AUTS2: variants seen among roughly 807,000 people sequenced by gnomAD.
AUTS2 encodes the protein activator of transcription and developmental regulator AUTS2.
AUTS2 carries 17 observed loss-of-function variants against 112.4 expected under a neutral mutation model. The ratio of observed to expected loss-of-function variants is 0.15; its 90% CI spans 0.10 to 0.23. The LOEUF is 0.23. Among genes scored for constraint, AUTS2 ranks in the 10% least tolerant of loss-of-function variants. The pLI is 1.00. For synonymous variants in AUTS2, 751 were observed against 702.7 expected, an observed-to-expected ratio of 1.07 and a Z score of -1.09; for missense variants, 1,510 against 1,701.6, an observed-to-expected ratio of 0.89 and a Z score of 1.98.
At chr7:70,110,863 T>C (rs947725262) in intron 2 of AUTS2, among the ~76,000 whole-genome samples, 13 of 133,028 alleles carry the variant, frequency 9.8e-5, no homozygotes, top group South Asian at 5.3e-4. Flanking sequence ...TTCTTTCTTT[T>C]TTTTTTTTTT....
intron 4 of AUTS2, among the ~76,000 whole-genome samples, chr7:70,363,449 T>C (rs1284261364): frequency 1.2e-4 from 15 of 122,398 alleles, no homozygotes; most frequent in Admixed American, 5.5e-4. Flanking sequence ...AAACTTAGAG[T>C]ATAATATAAA....
At chr7:70,564,072 G>A (rs528223278) in intron 5 of AUTS2, among the ~76,000 whole-genome samples, 42 of 152,276 alleles carry the variant, frequency 2.8e-4, no homozygotes, top group African/African-American at 9.6e-4. Context: ...TAGGCAATGA[G>A]CAATTTTACT....
chr7:69,880,187 C>G (rs1264741956), intron 1 of AUTS2, among the ~76,000 whole-genome samples: 2 of 152,012 alleles, frequency 1.3e-5, no homozygotes, highest in Non-Finnish European at 2.9e-5. Context: ...GTGGGGGTGC[C>G]ACACACTTTT....
At chr7:70,208,457 A>C (rs1430561672) in intron 4 of AUTS2, among the ~76,000 whole-genome samples, 1 of 152,122 alleles carries the variant, frequency 6.6e-6, no homozygotes, top group Non-Finnish European at 1.5e-5. Flanking sequence ...GAGTAATTGC[A>C]TGTCATCCTT....
At chr7:69,646,554 G>A (rs924941185) in intron 1 of AUTS2, among the ~76,000 whole-genome samples, 7 of 152,178 alleles carry the variant, frequency 4.6e-5, no homozygotes, top group Non-Finnish European at 1.0e-4. Context: ...TGCAAATATG[G>A]TTATACCAAA....
intron 4 of AUTS2, among the ~76,000 whole-genome samples, chr7:70,309,322 G>A (rs1400315383): frequency 2.0e-5 from 3 of 152,126 alleles, no homozygotes; most frequent in East Asian, 1.9e-4. Flanking sequence ...TTGATAGTGC[G>A]GAGATCAGGG....
At chr7:70,093,533 A>T (rs1562685550) in intron 2 of AUTS2, among the ~76,000 whole-genome samples, 1 of 152,204 alleles carries the variant, frequency 6.6e-6, no homozygotes, top group Admixed American at 6.5e-5. Flanking sequence ...GGAAGAAATT[A>T]TCCACAGTGG....
intron 1 of AUTS2, among the ~76,000 whole-genome samples, chr7:69,718,211 ATGTT>A (rs1480462859): frequency 1.3e-5 from 2 of 152,222 alleles, no homozygotes; most frequent in Non-Finnish European, 1.5e-5. Flanking sequence ...TTCTTAGAGA[ATGTT>A]TGAGCATATC....
At chr7:69,884,160 G>GCA (rs372353017) in intron 1 of AUTS2, among the ~76,000 whole-genome samples, 5 of 152,180 alleles carry the variant, frequency 3.3e-5, no homozygotes, top group African/African-American at 1.2e-4. Context: ...GGATGTATAG[G>GCA]CATGCTTTAG....
intron 4 of AUTS2, among the ~76,000 whole-genome samples, chr7:70,211,174 G>A (rs2129588102): frequency 6.6e-6 from 1 of 152,184 alleles, no homozygotes; most frequent in South Asian, 2.1e-4. Flanking sequence ...TCTCAGGCAT[G>A]CCAGACCATT....
chr7:69,606,446 C>A (rs747182089), intron 1 of AUTS2, among the ~76,000 whole-genome samples: 4 of 152,126 alleles, frequency 2.6e-5, no homozygotes, highest in African/African-American at 9.7e-5. Flanking sequence ...CCTGTGTGCA[C>A]GCAAAGGGTG....
intron 4 of AUTS2, among the ~76,000 whole-genome samples, chr7:70,410,664 G>A (rs561810941): frequency 4.6e-5 from 7 of 151,436 alleles, no homozygotes; most frequent in South Asian, 4.2e-4. Context: ...CAAGTGATCC[G>A]CCCTCCTCAG....
chr7:70,112,330 A>G (rs1185052449), intron 2 of AUTS2, among the ~76,000 whole-genome samples: 1 of 152,002 alleles, frequency 6.6e-6, no homozygotes, highest in Non-Finnish European at 1.5e-5. Context: ...GTCTGTTCAT[A>G]TAATTTTTAC....
chr7:69,941,480 G>C (rs1446191559), intron 2 of AUTS2, among the ~76,000 whole-genome samples: 1 of 152,080 alleles, frequency 6.6e-6, no homozygotes, highest in Admixed American at 6.6e-5. Context: ...TTAACATTTG[G>C]AACTGGGTGG....
chr7:70,454,191 GTC>G, intron 5 of AUTS2, among the ~76,000 whole-genome samples: 1 of 152,170 alleles, frequency 6.6e-6, no homozygotes, highest in South Asian at 2.1e-4. Flanking sequence ...CTGAATGGGG[GTC>G]TCTCTTTTTT....
In AUTS2 at chr7:70,764,785, G is replaced by C; in HGVS notation, c.1248G>C (p.Gln416His). 1.2e-6 allele frequency: 1 copy of C among 825,388 alleles called. No individual in the cohort carries two copies. The highest frequency in any genetic ancestry group is 2.1e-6 in the Non-Finnish European group (1 of 483,884). 51.1% of individuals were successfully genotyped at this position (825,388 alleles called of 1,614,324 possible). A position where few individuals can be genotyped will look rare whatever the true frequency, so the allele number is the denominator to read the frequency against. ...GAAGCAGCACTCCAGCGAAGACTCA[G>C]CCCGCCCCACCTCACATCTCCCACC... Reference protein sequence around the residue: ...SSRSSTPAKTQPAPPHISHHP... With the variant: ...SSRSSTPAKTHPAPPHISHHP... The change falls in exon 8 of 19, where the codon CAG becomes CAC. Residue 416 changes from glutamine (Q) to histidine (H), a missense_variant. Transcript: ENST00000342771.
At chr7:69,914,352 C>CAG (rs1258384355) in intron 2 of AUTS2, among the ~76,000 whole-genome samples, 313 of 126,150 alleles carry the variant, frequency 2.5e-3, no homozygotes, top group African/African-American at 7.2e-3. Flanking sequence ...GACACACACA[C>CAG]ACAGACACAC....
At chr7:70,450,948 G>A (rs558663210) in intron 5 of AUTS2, among the ~76,000 whole-genome samples, 3 of 152,222 alleles carry the variant, frequency 2.0e-5, no homozygotes, top group African/African-American at 4.8e-5. Context: ...CAGCGAAAGT[G>A]GGGGGATGGA....
At chr7:70,051,312 C>T (rs1444125486) in intron 2 of AUTS2, among the ~76,000 whole-genome samples, 2 of 152,168 alleles carry the variant, frequency 1.3e-5, no homozygotes, top group Non-Finnish European at 2.9e-5. Flanking sequence ...TAACAGTTTT[C>T]TTAACTGACT....
Sources: gnomAD v4.1 joint callset for allele counts (sites outside exome capture counted in the v4.1 genomes callset) on GRCh38, gnomAD v4.1.1 for gene constraint, MANE v1.5 for transcripts, NCBI Gene and HGNC (gene_info 2026-07-23, HGNC 2026-07-21) for gene names.